Variants in XK observed in about 807,000 individuals in gnomAD.
XK encodes the protein X-linked Kx blood group antigen, Kell and VPS13A binding protein, also known as endoplasmic reticulum membrane adapter protein XK.
A neutral mutation model predicts 14.0 loss-of-function variants in XK; 2 were observed. The observed-to-expected ratio is 0.14, with a 90% CI of 0.06 to 0.45. The LOEUF is 0.45. Ranked by LOEUF, XK falls within the 20% of genes least tolerant of loss-of-function variation. The probability of loss-of-function intolerance (pLI) is 0.98; values close to 1 mark genes in which losing one functional copy is unlikely to be tolerated. For synonymous variants in XK, 149 were observed against 147.5 expected (o/e 1.01, Z -0.08); for missense variants, 235 against 341.5 (o/e 0.69, Z 2.46).
At chrX:37,686,890 G>A (rs1556440298) in intron 1 of XK, among the ~76,000 whole-genome samples, 1 of 111,091 alleles carries the variant, frequency 9.0e-6, no homozygotes, top group Non-Finnish European at 1.9e-5. Flanking sequence ...AAAAACTGTT[G>A]GTGACATTTC....
chrX:37,716,451 G>A (rs1396571159), intron 2 of XK, among the ~76,000 whole-genome samples: 1 of 112,100 alleles, frequency 8.9e-6, no homozygotes, highest in Non-Finnish European at 1.9e-5. Flanking sequence ...GAAAAGATTA[G>A]TGGAGGTAAG....
chrX:37,694,351 C>T lies in XK; in HGVS notation c.311C>T (p.Thr104Ile). The T allele has an allele frequency of 8.3e-7, 1 of 1,210,977 alleles. No individual in the cohort carries two copies. The highest frequency in any genetic ancestry group is 1.7e-5 in the African/African-American group (1 of 57,815). ...AATGAAGAGCCTTATGTCAGTATCA[C>T]CAAGAAGAGGCAAATGCCAAAAAAT... ...GNNEEPYVSITKKRQMPKNGL... is the reference protein window; with the variant it reads ...GNNEEPYVSIIKKRQMPKNGL... Residue 104 changes from threonine to isoleucine, a missense_variant, in exon 2 of 3, where the codon ACC (threonine) becomes ATC (isoleucine). Physicochemically the swap from Thr to Ile is moderately conservative, Grantham distance 89. Transcript: ENST00000378616.
At position 37,730,532 on chromosome X, in the gene XK, A is replaced by G. The variant is rs1928066280; in HGVS notation, c.*2070A>G. The G allele has an allele frequency of 8.9e-6, 1 of 112,534 alleles. No individual in the cohort carries two copies. The highest frequency in any genetic ancestry group is 1.9e-5 in the Non-Finnish European group (1 of 53,286). 9.3% of individuals were successfully genotyped at this position (112,534 alleles called of 1,213,427 possible). On this transcript the variant is annotated 3_prime_UTR_variant, in exon 3 of 3. Transcript: ENST00000378616. The stretch of plus-strand genomic sequence containing the variant: ...TCACACCAGTTACTTGTGTTCATTG[A>G]CACCAAATATTTTCAAGCTTTTTGT...
Position 37,731,052 on chromosome X carries a change from G to A in XK, c.*2590G>A. Reference sequence around the variant, plus strand: ...GTGTGGTGAAAACATAAGCCATGGTGAACTGATAATTTTTGTTTTTAAATT... The same window carrying A: ...GTGTGGTGAAAACATAAGCCATGGTAAACTGATAATTTTTGTTTTTAAATT... On this transcript the variant is annotated 3_prime_UTR_variant, in exon 3 of 3. Transcript: ENST00000378616. 1 of 111,954 alleles carries A rather than the reference G, an allele frequency of 8.9e-6. No homozygotes were observed. The highest frequency in any genetic ancestry group is 1.9e-5 in the Non-Finnish European group (1 of 53,160). 9.2% of individuals were successfully genotyped at this position (111,954 alleles called of 1,213,427 possible).
At chrX:37,691,746 T>C (rs781807448) in intron 1 of XK, among the ~76,000 whole-genome samples, 42 of 112,597 alleles carry the variant, frequency 3.7e-4, no homozygotes, top group African/African-American at 1.3e-3. Context: ...TTAAAATATA[T>C]GATTCTATTG....
chrX:37,708,487 C>T (rs1440661693), intron 2 of XK, among the ~76,000 whole-genome samples: 2 of 112,114 alleles, frequency 1.8e-5, no homozygotes, highest in Non-Finnish European at 3.8e-5. Flanking sequence ...GACTTCTGAT[C>T]TCCAGAACTG....
At chrX:37,688,962 A>G (rs1472611796) in intron 1 of XK, among the ~76,000 whole-genome samples, 3 of 112,237 alleles carry the variant, frequency 2.7e-5, no homozygotes, top group Non-Finnish European at 5.6e-5. Context: ...TTACCATAAA[A>G]ATATTTTAAC....
chrX:37,694,232 A>G, intron 1 of XK, 54 bp from the exon 2 acceptor site: 1 of 1,202,841 alleles, frequency 8.3e-7, no homozygotes. Context: ...ATGAGCATGG[A>G]AAGTCAGAAT....
chrX:37,727,844 T>A lies in XK; in HGVS notation c.717T>A (p.Val239=), dbSNP rs1556450365. The A allele has an allele frequency of 8.3e-7, 1 of 1,211,173 alleles. No homozygotes were observed. Among genetic ancestry groups the A allele is most frequent in the Admixed American group, 2.2e-5 (1 of 45,928 alleles). ...FTSVLKTWVV[V]IILINFFSFF... ...CCGTCCTGAAGACCTGGGTGGTGGTTATAATACTCATCAACTTCTTCAGTT... is the reference window on the plus strand; with the variant it reads ...CCGTCCTGAAGACCTGGGTGGTGGTAATAATACTCATCAACTTCTTCAGTT... Residue 239 remains valine, a synonymous_variant, in exon 3 of 3, where the codon GTT becomes GTA. Coordinates refer to ENST00000378616, the MANE Select transcript of XK (RefSeq NM_021083.4).
chrX:37,687,486 C>A (rs782292951), intron 1 of XK, among the ~76,000 whole-genome samples: 6 of 108,676 alleles, frequency 5.5e-5, no homozygotes, highest in African/African-American at 2.0e-4. Flanking sequence ...CAGAGTCTCC[C>A]TATGTTGCCC....
chrX:37,687,121 C>T (rs1927093446), intron 1 of XK, among the ~76,000 whole-genome samples: 1 of 109,176 alleles, frequency 9.2e-6, no homozygotes, highest in East Asian at 2.9e-4. Flanking sequence ...AGAGAGACAC[C>T]TCAGCTGCCA....
intron 1 of XK, among the ~76,000 whole-genome samples, chrX:37,689,534 C>T (rs1276420118): frequency 8.9e-6 from 1 of 111,911 alleles, no homozygotes; most frequent in Non-Finnish European, 1.9e-5. Context: ...GTAGATGCTG[C>T]GTTTGAGTTC....
At chrX:37,707,186 C>T (rs1264652838) in intron 2 of XK, among the ~76,000 whole-genome samples, 3 of 112,058 alleles carry the variant, frequency 2.7e-5, no homozygotes, top group Non-Finnish European at 3.8e-5. Flanking sequence ...CAGAGGGGCT[C>T]CTCACTTCCC....
At chrX:37,719,432 CTCTT>C (rs1389613368) in intron 2 of XK, among the ~76,000 whole-genome samples, 2 of 110,620 alleles carry the variant, frequency 1.8e-5, no homozygotes, top group African/African-American at 3.3e-5. Flanking sequence ...TCTTTTCTCT[CTCTT>C]TCTCTCTTTC....
intron 1 of XK, among the ~76,000 whole-genome samples, chrX:37,690,899 A>G (rs1927188007): frequency 8.9e-6 from 1 of 112,477 alleles, no homozygotes; most frequent in Non-Finnish European, 1.9e-5. Flanking sequence ...ACAAATAAAA[A>G]ACCAAAAAAT....
At chrX:37,707,579 G>A (rs1405412390) in intron 2 of XK, among the ~76,000 whole-genome samples, 21 of 110,294 alleles carry the variant, frequency 1.9e-4, no homozygotes, top group African/African-American at 5.0e-4. Context: ...CGGGGCGGCC[G>A]GGCAGAGATG....
chrX:37,723,731 A>G (rs1556449431), intron 2 of XK, among the ~76,000 whole-genome samples: 2 of 111,356 alleles, frequency 1.8e-5, no homozygotes, highest in African/African-American at 6.5e-5. Context: ...ATGTGTGACT[A>G]CTTACCTTAG....
At chrX:37,690,086 A>G (rs1163704038) in intron 1 of XK, among the ~76,000 whole-genome samples, 3 of 112,265 alleles carry the variant, frequency 2.7e-5, no homozygotes, top group Admixed American at 9.5e-5. Context: ...ATGATTCACC[A>G]TAGTATATCT....
chrX:37,693,795 G>A (rs909860471), intron 1 of XK, among the ~76,000 whole-genome samples: 73 of 111,788 alleles, frequency 6.5e-4, no homozygotes, highest in African/African-American at 2.3e-3. Context: ...TCTTTTGGAT[G>A]TGGAACACAC....
Sources: allele counts gnomAD v4.1 joint callset (sites outside exome capture counted in the v4.1 genomes callset), GRCh38; gene constraint gnomAD v4.1.1; transcripts MANE v1.5; gene names NCBI Gene and HGNC (gene_info 2026-07-23, HGNC 2026-07-21).